ZNF541: variants seen among roughly 807,000 people sequenced by gnomAD.
The protein encoded by ZNF541 is zinc finger protein 541.
A neutral mutation model predicts 123.5 loss-of-function variants in ZNF541; 23 were observed. The ratio of observed to expected loss-of-function variants is 0.19; its 90% CI spans 0.13 to 0.26. The LOEUF is 0.26. Among genes scored for constraint, ZNF541 ranks in the 10% least tolerant of loss-of-function variants. The probability of loss-of-function intolerance (pLI) is 1.00; values close to 1 mark genes in which losing one functional copy is unlikely to be tolerated. For synonymous variants in ZNF541, 751 were observed against 754.5 expected, an observed-to-expected ratio of 1.00 and a Z score of 0.08; for missense variants, 1,612 against 1,789.9, an observed-to-expected ratio of 0.90 and a Z score of 1.79.
chr19:47,522,159 TG>T (rs1969066632), intron 14 of ZNF541, among the ~76,000 whole-genome samples, 165 bp from the exon 15 acceptor site: 1 of 152,150 alleles, frequency 6.6e-6, no homozygotes, highest in African/African-American at 2.4e-5. Context: ...AAATCCTTCC[TG>T]GGGACGAGGG....
At position 47,539,793 on chromosome 19, in the gene ZNF541, G is replaced by C; in HGVS notation, c.2708C>G (p.Pro903Arg). Reference protein sequence around the residue: ...DRHSPPGTKKPLDPTAAAPLV... With the variant: ...DRHSPPGTKKRLDPTAAAPLV... The stretch of plus-strand genomic sequence containing the variant: ...AGGGGCTGCAGCTGTGGGGTCCAAG[G>C]GCTTCTTGGTTCCTGGGGGACTATG... Residue 903 changes from proline (P) to arginine (R), a missense_variant, in exon 8 of 17, where the codon CCC becomes CGC. By Grantham distance (103) the Pro-to-Arg change is moderately radical. Around this residue, in one of 5 missense-constraint regions of ZNF541, gnomAD observed 1,080 missense variants for 1,013.8 expected, o/e 1.07. Coordinates refer to ENST00000391901, the MANE Select transcript of ZNF541 (RefSeq NM_001277075.3). 6.7e-7 allele frequency: 1 copy of C among 1,486,466 alleles called. No homozygotes were observed. Among genetic ancestry groups the C allele is most frequent in the Non-Finnish European group, 8.9e-7 (1 of 1,126,436 alleles). 92.1% of individuals were successfully genotyped at this position (1,486,466 alleles called of 1,614,324 possible). A position where few individuals can be genotyped will look rare whatever the true frequency, so the allele number is the denominator to read the frequency against.
At position 47,571,403 on chromosome 19, in the gene ZNF541, G is replaced by A. The variant is rs139626143; in HGVS notation, c.-99+493C>T. Among the ~76,000 whole-genome samples the A allele has an allele frequency of 1.2e-3, 188 of 152,270 alleles. 1 individual carries two copies. Among genetic ancestry groups the A allele is most frequent in the South Asian group, 2.5e-3 (12 of 4,822 alleles). On this transcript the variant is annotated intron_variant, in intron 2 of 16. Coordinates refer to ENST00000391901, the MANE Select transcript of ZNF541 (RefSeq NM_001277075.3). ...GCATGAGCCACTGCGCCCAGCCTACGCTGTCTTATTTAATTCTTAAATTAT... is the reference window on the plus strand; with the variant it reads ...GCATGAGCCACTGCGCCCAGCCTACACTGTCTTATTTAATTCTTAAATTAT...
intron 13 of ZNF541, 129 bp downstream of exon 13, chr19:47,529,448 G>T (rs959141384): frequency 2.6e-5 from 23 of 874,020 alleles, no homozygotes; most frequent in Non-Finnish European, 4.1e-5. Flanking sequence ...ACAAGGACAG[G>T]CCCTCCTGAA....
chr19:47,547,627 G>A (rs1413836826), intron 4 of ZNF541, among the ~76,000 whole-genome samples: 1 of 152,158 alleles, frequency 6.6e-6, no homozygotes, highest in African/African-American at 2.4e-5. Context: ...TGGGGTAGGT[G>A]TGGGTGAGAG....
At chr19:47,571,142 T>A (rs1345359479) in intron 2 of ZNF541, among the ~76,000 whole-genome samples, 1 of 150,786 alleles carries the variant, frequency 6.6e-6, no homozygotes, top group East Asian at 2.0e-4. Flanking sequence ...AGACGGAGTC[T>A]CGCTCTGTTG....
chr19:47,533,504 A>G (rs1969679278), intron 9 of ZNF541, among the ~76,000 whole-genome samples: 1 of 152,000 alleles, frequency 6.6e-6, no homozygotes, highest in Admixed American at 6.6e-5. Flanking sequence ...AAGTCTCTGG[A>G]AATTGTCCTA....
Position 47,544,425 on chromosome 19 carries a change from G to T in ZNF541, c.2104C>A (p.Gln702Lys). Residue 702 changes from glutamine to lysine, a missense_variant, in exon 5 of 17, where the codon CAG becomes AAG. Physicochemically the swap from Gln to Lys is moderately conservative, Grantham distance 53. Coordinates refer to ENST00000391901, the MANE Select transcript of ZNF541 (RefSeq NM_001277075.3). ...IFPSTGQRQT[Q>K]LGGEEPPGAS... ...CCTGGTGGCTCCTCCCCACCTAACT[G>T]GGTCTGCCGTTGGCCTGTGGAGGGG... The T allele has an allele frequency of 6.4e-7, 1 of 1,551,612 alleles. No individual in the cohort carries two copies.
intron 2 of ZNF541, among the ~76,000 whole-genome samples, chr19:47,568,340 C>T (rs1971345836): frequency 6.6e-6 from 1 of 151,920 alleles, no homozygotes; most frequent in African/African-American, 2.4e-5. Flanking sequence ...CAATTTCCTT[C>T]ATTTTATTTT....
intron 2 of ZNF541, among the ~76,000 whole-genome samples, chr19:47,558,831 A>G (rs887013728): frequency 1.4e-5 from 2 of 147,522 alleles, no homozygotes. Context: ...TGCAAGCTCC[A>G]CCTCCCAGGT....
At chr19:47,523,261 C>A (rs978850828) in intron 14 of ZNF541, among the ~76,000 whole-genome samples, 1 of 148,114 alleles carries the variant, frequency 6.8e-6, no homozygotes, top group African/African-American at 2.6e-5. Flanking sequence ...AACTCCTGAC[C>A]TTGTGATCTA....
chr19:47,556,209 C>A (rs533548841), intron 2 of ZNF541, among the ~76,000 whole-genome samples: 1 of 152,306 alleles, frequency 6.6e-6, no homozygotes, highest in African/African-American at 2.4e-5. Flanking sequence ...ACTGAACTGA[C>A]CTCTTGCTCC....
At chr19:47,570,634 T>TTTA (rs1267624004) in intron 2 of ZNF541, among the ~76,000 whole-genome samples, 1 of 148,676 alleles carries the variant, frequency 6.7e-6, no homozygotes, top group Admixed American at 6.7e-5. Context: ...ATATAATGGG[T>TTTA]TTATTACTGC....
In ZNF541 at chr19:47,521,029, G is replaced by T; in HGVS notation, c.*195C>A. 2 of 622,550 alleles carry T rather than the reference G, an allele frequency of 3.2e-6. No homozygotes were observed. The highest frequency in any genetic ancestry group is 5.5e-6 in the Non-Finnish European group (2 of 362,716). The allele number at this position is 622,550 out of a possible 1,614,324, so 38.6% of individuals were successfully genotyped here. On this transcript the variant is annotated 3_prime_UTR_variant, in exon 17 of 17. Transcript: ENST00000391901. The surrounding 1 kb of genome is among the most constrained non-coding windows in gnomAD (Gnocchi z 4.2). Reference sequence around the variant, plus strand: ...GTGGAGCCTCCAGCACCACCGGACAGGGACTGCATAGCTGTCCGACAACTG... The same window carrying T: ...GTGGAGCCTCCAGCACCACCGGACATGGACTGCATAGCTGTCCGACAACTG...
intron 14 of ZNF541, among the ~76,000 whole-genome samples, chr19:47,523,039 C>T (rs1055327829): frequency 6.6e-6 from 1 of 151,532 alleles, no homozygotes; most frequent in African/African-American, 2.4e-5. Context: ...AACCACCGCA[C>T]CCGGCCAGCA....
intron 8 of ZNF541, 46 bp downstream of exon 8, chr19:47,539,659 C>A: frequency 7.3e-7 from 1 of 1,375,514 alleles, no homozygotes; most frequent in South Asian, 1.9e-5. Flanking sequence ...CTTCCCCCAG[C>A]AGCTGCGGGC....
chr19:47,555,222 T>C (rs1970766784), intron 3 of ZNF541, among the ~76,000 whole-genome samples: 3 of 151,476 alleles, frequency 2.0e-5, no homozygotes. Flanking sequence ...ACAAAAAAAT[T>C]AGCCGGGCGT....
At chr19:47,539,620 G>A in intron 8 of ZNF541, 85 bp downstream of exon 8, 1 of 1,329,924 alleles carries the variant, frequency 7.5e-7, no homozygotes, top group Non-Finnish European at 9.7e-7. Flanking sequence ...AAGATTTTCT[G>A]TGGTATCTGG....
At chr19:47,536,724 C>T (rs1053612854) in intron 9 of ZNF541, among the ~76,000 whole-genome samples, 10 of 152,184 alleles carry the variant, frequency 6.6e-5, no homozygotes, top group African/African-American at 2.4e-4. Flanking sequence ...TACAACTGCA[C>T]TCCAGCCTGG....
chr19:47,532,703 G>A (rs1424780380), intron 10 of ZNF541, among the ~76,000 whole-genome samples: 1 of 151,926 alleles, frequency 6.6e-6, no homozygotes, highest in African/African-American at 2.4e-5. Flanking sequence ...AATTTGGGGG[G>A]ATTTTCATAT....
Sources: gnomAD v4.1 joint callset for allele counts (sites outside exome capture counted in the v4.1 genomes callset) on GRCh38, gnomAD v4.1.1 for gene constraint, gnomAD v4.1.1 regional missense constraint, Gnocchi (gnomAD v3.1) non-coding constraint, MANE v1.5 for transcripts, NCBI Gene and HGNC (gene_info 2026-07-23, HGNC 2026-07-21) for gene names.